NMT1: variants seen among roughly 807,000 people sequenced by gnomAD.
The protein encoded by NMT1 is N-myristoyltransferase 1.
NMT1 carries 12 observed loss-of-function variants against 63.4 expected under a neutral mutation model. That is an observed-to-expected ratio of 0.19 (90% CI 0.12 to 0.31). The LOEUF (loss-of-function observed/expected upper bound fraction) is 0.31. Among genes scored for constraint, NMT1 ranks in the 10% least tolerant of loss-of-function variants. NMT1 has a pLI of 1.00. For missense variants in NMT1, 432 were observed against 634.6 expected (o/e 0.68, Z 3.43); for synonymous variants, 228 against 234.3 (o/e 0.97, Z 0.25).
At position 45,078,545 on chromosome 17, in the gene NMT1, C is replaced by T. The variant is rs79973683; in HGVS notation, c.132-3099C>T. 3.2e-3 allele frequency among the ~76,000 whole-genome samples: 489 copies of T among 152,058 alleles called. 1 individual carries two copies. Among genetic ancestry groups the T allele is most frequent in the Non-Finnish European group, 5.0e-3 (343 of 67,992 alleles). On this transcript the variant is annotated intron_variant, in intron 1 of 11. Transcript: ENST00000258960. ...ATGATAGTAATATTCATAATAACTC[C>T]GAGGCATTTTGAGACCCTGAAGTCT... is the stretch of plus-strand genomic sequence containing the variant.
At chr17:45,100,084 AG>A (rs1431284951) in intron 8 of NMT1, among the ~76,000 whole-genome samples, 1 of 152,004 alleles carries the variant, frequency 6.6e-6, no homozygotes, top group Non-Finnish European at 1.5e-5. Flanking sequence ...GGCTTCAGGT[AG>A]GGATTCTTTT....
At position 45,086,325 on chromosome 17, in the gene NMT1, A is replaced by T. The variant is rs8067095; in HGVS notation, c.241-183A>T. Among the ~76,000 whole-genome samples, 921 of 152,008 alleles carry T rather than the reference A, an allele frequency of 6.1e-3. 9 individuals carry two copies. The highest frequency in any genetic ancestry group is 0.022 in the African/African-American group (892 of 41,424). On this transcript the variant is annotated intron_variant, in intron 2 of 11. Coordinates refer to ENST00000258960, the MANE Select transcript of NMT1 (RefSeq NM_021079.5). ...TTTTTAGTAGAGACAGGGTTTCACC[A>T]TGTTGGTCAGGTGGGTCTCGAACTC... is the stretch of plus-strand genomic sequence containing the variant.
intron 1 of NMT1, among the ~76,000 whole-genome samples, chr17:45,064,380 G>A (rs1455573398): frequency 6.6e-6 from 1 of 152,142 alleles, no homozygotes; most frequent in African/African-American, 2.4e-5. Context: ...GCCTAGTCTG[G>A]AGGAGAGAGT....
chr17:45,105,134 C>T lies in NMT1; in HGVS notation c.1470+138C>T. The T allele has an allele frequency of 9.0e-7, 1 of 1,111,376 alleles. No homozygotes were observed. Among genetic ancestry groups the T allele is most frequent in the Non-Finnish European group, 1.3e-6 (1 of 781,456 alleles). The allele number at this position is 1,111,376 out of a possible 1,614,324, so 68.8% of individuals were successfully genotyped here. A position where few individuals can be genotyped will look rare whatever the true frequency, so the allele number is the denominator to read the frequency against. Reference sequence around the variant, plus strand: ...GAGTTGAACCTTTGAAAATGCCCTCCCTCTGCTGGCCAGACCAGCAGGTCA... The same window carrying T: ...GAGTTGAACCTTTGAAAATGCCCTCTCTCTGCTGGCCAGACCAGCAGGTCA... On this transcript the variant is annotated intron_variant, in intron 11 of 11. Transcript: ENST00000258960. The surrounding 1 kb of genome is among the most constrained non-coding windows in gnomAD (Gnocchi z 4.2).
At chr17:45,086,843 A>G (rs2054058123) in intron 3 of NMT1, among the ~76,000 whole-genome samples, 191 bp downstream of exon 3, 1 of 152,162 alleles carries the variant, frequency 6.6e-6, no homozygotes, top group Non-Finnish European at 1.5e-5. Context: ...TTACCATTTT[A>G]TAGCAGCACA....
At chr17:45,081,549 T>G in intron 1 of NMT1, 95 bp from the exon 2 acceptor site, 1 of 1,102,980 alleles carries the variant, frequency 9.1e-7, no homozygotes, top group Non-Finnish European at 1.3e-6. Context: ...CAGGCTTGAT[T>G]AAGGAAGGTC....
intron 1 of NMT1, among the ~76,000 whole-genome samples, chr17:45,070,132 G>A (rs533622923): frequency 6.6e-6 from 1 of 152,254 alleles, no homozygotes; most frequent in South Asian, 2.1e-4. Context: ...GAATTGGCTC[G>A]TTCACCCTCA....
At chr17:45,073,946 C>T (rs945453311) in intron 1 of NMT1, among the ~76,000 whole-genome samples, 10 of 152,154 alleles carry the variant, frequency 6.6e-5, no homozygotes, top group African/African-American at 1.9e-4. Flanking sequence ...CAGTTTTGAG[C>T]GGATTGCATC....
intron 1 of NMT1, among the ~76,000 whole-genome samples, chr17:45,068,703 G>T (rs546618709): frequency 4.6e-5 from 7 of 152,086 alleles, no homozygotes; most frequent in Non-Finnish European, 8.8e-5. Context: ...CTGGAGTACA[G>T]TGGCACGATC....
At chr17:45,064,180 T>C (rs746346614) in intron 1 of NMT1, among the ~76,000 whole-genome samples, 2 of 152,112 alleles carry the variant, frequency 1.3e-5, no homozygotes, top group Non-Finnish European at 2.9e-5. Flanking sequence ...CGAGACTCCA[T>C]CTCAAAAAAA....
At chr17:45,091,311 C>G (rs1289398658) in intron 3 of NMT1, among the ~76,000 whole-genome samples, 1 of 151,854 alleles carries the variant, frequency 6.6e-6, no homozygotes, top group African/African-American at 2.4e-5. Flanking sequence ...TTGCTCATCT[C>G]TTTGGTGTCC....
chr17:45,090,868 G>T (rs1419632151), intron 3 of NMT1, among the ~76,000 whole-genome samples: 1 of 152,066 alleles, frequency 6.6e-6, no homozygotes, highest in African/African-American at 2.4e-5. Context: ...CTGCAGAGCA[G>T]CCTTCCACCC....
chr17:45,100,509 AG>A (rs1452778136), intron 8 of NMT1, among the ~76,000 whole-genome samples: 1 of 150,844 alleles, frequency 6.6e-6, no homozygotes, highest in Non-Finnish European at 1.5e-5. Context: ...TGGAGCTTGC[AG>A]TGAGCCAAGA....
At chr17:45,066,467 C>A (rs2053903373) in intron 1 of NMT1, among the ~76,000 whole-genome samples, 1 of 151,992 alleles carries the variant, frequency 6.6e-6, no homozygotes, top group Non-Finnish European at 1.5e-5. Context: ...TATAAAACTT[C>A]ATGTGGTTGT....
rs2054108446 is a variant in NMT1, at chr17:45,094,179, G to A, written c.504+376G>A. On this transcript the variant is annotated intron_variant, in intron 4 of 11. Transcript: ENST00000258960. ...CAGAGCCCCTTGTTTTGACCTGAGGGATTTATTTCCCTTATAAAGAATGAT... is the reference window on the plus strand; with the variant it reads ...CAGAGCCCCTTGTTTTGACCTGAGGAATTTATTTCCCTTATAAAGAATGAT... Among the ~76,000 whole-genome samples the A allele has an allele frequency of 3.9e-5, 6 of 152,022 alleles. No individual in the cohort carries two copies. The South Asian group carries it at 1.0e-3, about 26-fold the overall frequency.
chr17:45,099,245 G>A (rs2054145494), intron 7 of NMT1, among the ~76,000 whole-genome samples, 160 bp from the exon 8 acceptor site: 1 of 152,212 alleles, frequency 6.6e-6, no homozygotes, highest in African/African-American at 2.4e-5. Flanking sequence ...AGCACTCACT[G>A]TGGGGAGGGG....
intron 1 of NMT1, 146 bp downstream of exon 1, chr17:45,061,606 A>G (rs983169810): frequency 2.9e-6 from 2 of 683,222 alleles, no homozygotes; most frequent in Non-Finnish European, 4.8e-6. Flanking sequence ...GCGATTGGTT[A>G]TTGCCTTTGT....
intron 4 of NMT1, among the ~76,000 whole-genome samples, chr17:45,095,099 CTG>C (rs2054115719): frequency 3.8e-5 from 5 of 130,632 alleles, no homozygotes; most frequent in African/African-American, 3.2e-5. Context: ...GCATGAGCCA[CTG>C]CGCCCAGTCT....
rs1989804 is a variant in NMT1 at position 45,108,132 on chromosome 17, G to A, written c.*2493G>A. The A allele has an allele frequency of 0.3, 45,558 of 152,126 alleles. 8,283 individuals are homozygous for A. The highest frequency in any genetic ancestry group is 0.5 in the African/African-American group (20,767 of 41,502). 9.4% of individuals were successfully genotyped at this position (152,126 alleles called of 1,614,324 possible). On this transcript the variant is annotated 3_prime_UTR_variant, in exon 12 of 12. Transcript: ENST00000258960. ...GGACCCTGAGGCCTTCACGCTAACC[G>A]TCCTCGAGCAACTGCTGTTGGAAGG...
Sources: allele counts gnomAD v4.1 joint callset (sites outside exome capture counted in the v4.1 genomes callset), GRCh38; gene constraint gnomAD v4.1.1; non-coding constraint Gnocchi (gnomAD v3.1); transcripts MANE v1.5; gene names NCBI Gene and HGNC (gene_info 2026-07-23, HGNC 2026-07-21).